PLAC1: variants seen among roughly 807,000 people sequenced by gnomAD.
PLAC1 encodes placenta associated 1.
For missense variants in PLAC1, 136 were observed against 163.2 expected (o/e 0.83, Z 0.91); for synonymous variants, 68 against 62.1 (o/e 1.09, Z -0.44).
intron 1 of PLAC1, among the ~76,000 whole-genome samples, chrX:134,750,441 G>T (rs945047410): frequency 9.1e-5 from 10 of 109,984 alleles, no homozygotes; most frequent in Non-Finnish European, 1.7e-4. Context: ...TGACAATTCG[G>T]TTGCTGAAAA....
intron 2 of PLAC1, among the ~76,000 whole-genome samples, chrX:134,702,248 C>T (rs369736209): frequency 9.0e-6 from 1 of 111,731 alleles, no homozygotes; most frequent in East Asian, 2.8e-4. Flanking sequence ...TTAATGAGTA[C>T]ATATCCAAAA....
intron 2 of PLAC1, among the ~76,000 whole-genome samples, chrX:134,588,004 C>T (rs1376861801): frequency 3.6e-5 from 4 of 111,973 alleles, no homozygotes; most frequent in African/African-American, 1.3e-4. Flanking sequence ...TACAGTTTTA[C>T]CCCCACTTAA....
At chrX:134,633,559 G>A (rs370271571) in intron 1 of PLAC1, among the ~76,000 whole-genome samples, 1 of 111,572 alleles carries the variant, frequency 9.0e-6, no homozygotes, top group Non-Finnish European at 1.9e-5. Context: ...CTGCTTTTTC[G>A]TTTGATTTCT....
intron 2 of PLAC1, among the ~76,000 whole-genome samples, chrX:134,592,655 T>C (rs2124377023): frequency 9.2e-6 from 1 of 109,114 alleles, no homozygotes; most frequent in African/African-American, 3.3e-5. Flanking sequence ...CTTGCCAACA[T>C]CCACAGTTCC....
intron 1 of PLAC1, among the ~76,000 whole-genome samples, chrX:134,614,229 ATT>A (rs2078168370): frequency 9.0e-6 from 1 of 111,407 alleles, no homozygotes; most frequent in South Asian, 3.8e-4. Context: ...ACTTTCACAT[ATT>A]CTTTTAAAAT....
intron 2 of PLAC1, among the ~76,000 whole-genome samples, chrX:134,690,552 T>C (rs369851305): frequency 1.8e-5 from 2 of 111,177 alleles, no homozygotes; most frequent in East Asian, 5.6e-4. Context: ...TCAACCAGGT[T>C]TGGAAGTCAC....
At chrX:134,705,892 C>T (rs989443644) in intron 2 of PLAC1, among the ~76,000 whole-genome samples, 1 of 112,021 alleles carries the variant, frequency 8.9e-6, no homozygotes, top group African/African-American at 3.2e-5. Context: ...CGGCTAAAAA[C>T]CCTGAACATT....
At chrX:134,581,730 C>G (rs1456693024) in intron 2 of PLAC1, among the ~76,000 whole-genome samples, 2 of 110,870 alleles carry the variant, frequency 1.8e-5, no homozygotes, top group East Asian at 5.7e-4. Context: ...CCACCCGCCT[C>G]GGCCTCCCAA....
intron 1 of PLAC1, among the ~76,000 whole-genome samples, chrX:134,628,157 C>G (rs771927669): frequency 5.4e-5 from 6 of 112,054 alleles, no homozygotes; most frequent in Non-Finnish European, 1.1e-4. Context: ...ATTATTAAAC[C>G]AAGAATTGGT....
intron 1 of PLAC1, among the ~76,000 whole-genome samples, chrX:134,741,559 G>A (rs1355093684): frequency 9.0e-6 from 1 of 110,713 alleles, no homozygotes; most frequent in Non-Finnish European, 1.9e-5. Context: ...GTTCAACTGT[G>A]ACCCCTTTGT....
At chrX:134,642,253 A>G (rs1433178186) in intron 1 of PLAC1, among the ~76,000 whole-genome samples, 1 of 112,145 alleles carries the variant, frequency 8.9e-6, no homozygotes, top group Non-Finnish European at 1.9e-5. Context: ...TATGTTAAAA[A>G]TCAAGAAACT....
chrX:134,642,063 C>CT (rs754798733), intron 1 of PLAC1, among the ~76,000 whole-genome samples: 1 of 111,627 alleles, frequency 9.0e-6, no homozygotes, highest in African/African-American at 3.3e-5. Context: ...TAAAGAAGCC[C>CT]TGGGGCAGCC....
At chrX:134,612,752 C>T (rs2078159870) in intron 1 of PLAC1, among the ~76,000 whole-genome samples, 1 of 111,605 alleles carries the variant, frequency 9.0e-6, no homozygotes, top group Non-Finnish European at 1.9e-5. Flanking sequence ...AAAACAAAAT[C>T]CTCCTTTTCC....
chrX:134,656,983 G>A (rs756116495), intron 1 of PLAC1, among the ~76,000 whole-genome samples: 1 of 111,429 alleles, frequency 9.0e-6, no homozygotes, highest in East Asian at 2.8e-4. Flanking sequence ...TCTACCCATT[G>A]TTTCTCCTAG....
chrX:134,624,658 TAGA>T (rs778577205), intron 1 of PLAC1, among the ~76,000 whole-genome samples: 74 of 111,833 alleles, frequency 6.6e-4, no homozygotes, highest in Non-Finnish European at 1.3e-3. Flanking sequence ...ATAGAAAAGC[TAGA>T]AGAAGAACCT....
At chrX:134,722,564 T>C (rs1446254905) in intron 2 of PLAC1, among the ~76,000 whole-genome samples, 1 of 111,749 alleles carries the variant, frequency 8.9e-6, no homozygotes, top group Non-Finnish European at 1.9e-5. Context: ...AATGAGTTTC[T>C]CTTTGGGGAT....
At chrX:134,579,722 C>CAGAT (rs2077964791) in intron 2 of PLAC1, among the ~76,000 whole-genome samples, 1 of 111,351 alleles carries the variant, frequency 9.0e-6, no homozygotes. Context: ...AGGGGAGACC[C>CAGAT]AGATAGACTC....
At chrX:134,763,016 T>A (rs977818375) in intron 1 of PLAC1, among the ~76,000 whole-genome samples, 1 of 109,927 alleles carries the variant, frequency 9.1e-6, no homozygotes, top group Non-Finnish European at 1.9e-5. Context: ...TAAAAATGAA[T>A]AAAGATGAAA....
At chrX:134,617,186 G>A (rs1406620827) in intron 1 of PLAC1, among the ~76,000 whole-genome samples, 11 of 110,583 alleles carry the variant, frequency 9.9e-5, no homozygotes, top group Admixed American at 6.7e-4. Flanking sequence ...GCAGGGTTTC[G>A]TCATGTTGGC....
Sources: allele counts gnomAD v4.1 joint callset (sites outside exome capture counted in the v4.1 genomes callset), GRCh38; gene constraint gnomAD v4.1.1; transcripts MANE v1.5; gene names NCBI Gene and HGNC (gene_info 2026-07-23, HGNC 2026-07-21).